The following DHX57 variants were observed in gnomAD, a reference collection of about 807,000 sequenced individuals.
DHX57 encodes DExH-box helicase 57, also known as putative ATP-dependent RNA helicase DHX57.
Under a neutral mutation model 156.2 loss-of-function variants are expected in DHX57, and 105 were observed. The observed-to-expected ratio is 0.67, with a 90% confidence interval of 0.57 to 0.79. DHX57 has a LOEUF of 0.79. DHX57 is among the 30% of genes least tolerant of loss of function. The pLI is 0.00. For synonymous variants in DHX57, 704 were observed against 595.6 expected, an observed-to-expected ratio of 1.18 and a Z score of -2.65; for missense variants, 1,847 against 1,661.9, an observed-to-expected ratio of 1.11 and a Z score of -1.94.
chr2:38,863,815 C>G (rs968586114), intron 2 of DHX57, among the ~76,000 whole-genome samples: 3 of 152,096 alleles, frequency 2.0e-5, no homozygotes. Flanking sequence ...GAGTTTCAGA[C>G]CAGCCTGGCC....
At chr2:38,811,019 G>A (rs1022978011) in intron 21 of DHX57, 25 of 713,660 alleles carry the variant, frequency 3.5e-5, no homozygotes, top group Non-Finnish European at 3.3e-5. Flanking sequence ...AATGTTGGGG[G>A]TGTTGGGGGC....
chr2:38,856,194 G>T, intron 7 of DHX57, 146 bp downstream of exon 7: 2 of 1,118,776 alleles, frequency 1.8e-6, no homozygotes, highest in Non-Finnish European at 2.4e-6. Flanking sequence ...TCTTCAGCTG[G>T]ATTTTTTTGC....
In DHX57 at chr2:38,854,958, A is replaced by G. The variant is rs776670938; in HGVS notation, c.1905+99T>C. The G allele has an allele frequency of 4.0e-4, 436 of 1,097,420 alleles. 1 individual carries two copies. Among genetic ancestry groups the G allele is most frequent in the Non-Finnish European group, 5.1e-4 (368 of 716,188 alleles). The allele number at this position is 1,097,420 out of a possible 1,614,324, so 68.0% of individuals were successfully genotyped here. A position where few individuals can be genotyped will look rare whatever the true frequency, so the allele number is the denominator to read the frequency against. The stretch of plus-strand genomic sequence containing the variant: ...ATTAATTTAAAAATAACCTGAAAGT[A>G]TATATCCCAAATTGCCCATGAATCT... On this transcript the variant is annotated intron_variant, in intron 8 of 23. Coordinates refer to ENST00000457308, the MANE Select transcript of DHX57 (RefSeq NM_198963.3).
rs368722712 is a variant in DHX57 at position 38,802,738 on chromosome 2, G to A, written c.3994C>T (p.Arg1332Cys). The A allele has an allele frequency of 3.8e-5, 62 of 1,613,952 alleles. No homozygotes were observed. Among genetic ancestry groups the A allele is most frequent in the Middle Eastern group, 3.3e-4 (2 of 6,084 alleles). Reference sequence around the variant, plus strand: ...ACCTGATGGGAAGCAGCTACAAAACGGATCCAACCATCATCCAGGGAGACA... The same window carrying A: ...ACCTGATGGGAAGCAGCTACAAAACAGATCCAACCATCATCCAGGGAGACA... ...FVVSLDDGWI[R>C]FVAASHQVAE... Residue 1332 changes from arginine (R) to cysteine (C), a missense_variant, in exon 23 of 24, where the codon CGT becomes TGT. Physicochemically the swap from Arg to Cys is radical, Grantham distance 180. Transcript: ENST00000457308.
intron 5 of DHX57, 139 bp downstream of exon 5, chr2:38,860,860 T>C (rs995720677): frequency 1.5e-5 from 11 of 716,538 alleles, no homozygotes; most frequent in Middle Eastern, 8.1e-4. Context: ...GGAATTCTCA[T>C]TCCCTTTTGC....
chr2:38,803,402 C>A (rs1014054598), intron 22 of DHX57, among the ~76,000 whole-genome samples: 2 of 150,192 alleles, frequency 1.3e-5, no homozygotes, highest in Non-Finnish European at 3.0e-5. Flanking sequence ...TCCCCTCACA[C>A]CATCTACACT....
chr2:38,861,722 T>C lies in DHX57; in HGVS notation c.688A>G (p.Met230Val). The change falls in exon 5 of 24, where the codon ATG becomes GTG. Residue 230 changes from methionine (M) to valine (V), a missense_variant. By Grantham distance (21) the Met-to-Val change is conservative (BLOSUM62 1). Transcript: ENST00000457308. ...TGGTTGACTGCCTCAGAGATCTTCA[T>C]CCTCTCTCCAAATGTCTCTGAAAAA... is the stretch of plus-strand genomic sequence containing the variant. ...QCFSETFGER[M>V]KISEAVNQIS... The C allele has an allele frequency of 1.2e-6, 2 of 1,614,162 alleles. No homozygotes were observed. The highest frequency in any genetic ancestry group is 1.7e-6 in the Non-Finnish European group (2 of 1,180,024).
At chr2:38,849,401 T>C (rs1350386808) in intron 9 of DHX57, among the ~76,000 whole-genome samples, 1 of 152,156 alleles carries the variant, frequency 6.6e-6, no homozygotes, top group Non-Finnish European at 1.5e-5. Context: ...CAACCAATAA[T>C]GCTCTTCGAA....
chr2:38,810,661 G>A (rs895275816), intron 21 of DHX57: 16 of 679,198 alleles, frequency 2.4e-5, no homozygotes, highest in Non-Finnish European at 4.1e-5. Context: ...CTGGGACTTG[G>A]CAATGCAGTG....
chr2:38,872,695 T>C (rs564139699), intron 1 of DHX57, among the ~76,000 whole-genome samples: 30 of 152,270 alleles, frequency 2.0e-4, no homozygotes, highest in African/African-American at 7.2e-4. Flanking sequence ...TAAAAACACA[T>C]ATGTACCTAA....
intron 23 of DHX57, among the ~76,000 whole-genome samples, chr2:38,800,568 G>A (rs1307055715): frequency 6.6e-6 from 1 of 152,148 alleles, no homozygotes. Context: ...CTGCCAGGGT[G>A]AATGGCTCAG....
At chr2:38,812,435 G>A (rs888591365) in intron 21 of DHX57, among the ~76,000 whole-genome samples, 1 of 152,218 alleles carries the variant, frequency 6.6e-6, no homozygotes, top group African/African-American at 2.4e-5. Context: ...ATGGTGCCTT[G>A]TTAGGGATGG....
chr2:38,833,362 C>G (rs925797776), intron 13 of DHX57, among the ~76,000 whole-genome samples: 1 of 151,964 alleles, frequency 6.6e-6, no homozygotes, highest in African/African-American at 2.4e-5. Flanking sequence ...AGGCTGGTCT[C>G]GAACTCCTGA....
intron 14 of DHX57, among the ~76,000 whole-genome samples, chr2:38,827,806 G>T (rs901121775): frequency 6.6e-6 from 1 of 151,802 alleles, no homozygotes; most frequent in Non-Finnish European, 1.5e-5. Flanking sequence ...CCCACTATCT[G>T]GGGCTCTGAC....
intron 2 of DHX57, 34 bp downstream of exon 2, chr2:38,868,148 T>G (rs1171132337): frequency 6.2e-7 from 1 of 1,607,456 alleles, no homozygotes; most frequent in Non-Finnish European, 8.5e-7. Flanking sequence ...TTGATACCAT[T>G]TCCATATTTA....
chr2:38,868,434 T>A (rs1279015287), intron 1 of DHX57, 23 bp from the exon 2 acceptor site: 1 of 1,604,896 alleles, frequency 6.2e-7, no homozygotes, highest in South Asian at 1.1e-5. Flanking sequence ...AAAATTAATG[T>A]AGACATCATA....
chr2:38,821,412 A>C (rs1670809164), intron 17 of DHX57, among the ~76,000 whole-genome samples: 1 of 152,060 alleles, frequency 6.6e-6, no homozygotes, highest in Admixed American at 6.6e-5. Context: ...AATTAATAAA[A>C]CTGCCAGGCA....
chr2:38,836,600 C>G (rs1232700106), intron 13 of DHX57, among the ~76,000 whole-genome samples: 1 of 151,750 alleles, frequency 6.6e-6, no homozygotes, highest in Non-Finnish European at 1.5e-5. Context: ...ATGGCAAAAC[C>G]CTGTCTCTAC....
intron 22 of DHX57, among the ~76,000 whole-genome samples, chr2:38,804,759 T>C (rs749330425): frequency 7.2e-5 from 11 of 152,172 alleles, no homozygotes; most frequent in Non-Finnish European, 1.2e-4. Flanking sequence ...TTATGTCCTC[T>C]GCTGGAATGT....
Sources: allele counts gnomAD v4.1 joint callset (sites outside exome capture counted in the v4.1 genomes callset), GRCh38; gene constraint gnomAD v4.1.1; transcripts MANE v1.5; gene names NCBI Gene and HGNC (gene_info 2026-07-23, HGNC 2026-07-21).